XPR1: variants seen among roughly 807,000 people sequenced by gnomAD.
The protein encoded by XPR1 is solute carrier family 53 member 1.
XPR1 carries 28 observed loss-of-function variants against 87.5 expected under a neutral mutation model. That is an observed-to-expected ratio of 0.32 (90% confidence interval 0.24 to 0.44). The LOEUF is 0.44. Among genes scored for constraint, XPR1 ranks in the 20% least tolerant of loss-of-function variants. The pLI is 1.00. For synonymous variants in XPR1, 300 were observed against 306.1 expected (o/e 0.98, Z 0.21); for missense variants, 559 against 862.3 (o/e 0.65, Z 4.41).
At chr1:180,744,307 C>G (rs1659010324) in intron 2 of XPR1, among the ~76,000 whole-genome samples, 1 of 152,012 alleles carries the variant, frequency 6.6e-6, no homozygotes, top group African/African-American at 2.4e-5. Flanking sequence ...TCAGTTCTAA[C>G]TTTTTTATTT....
chr1:180,733,705 A>G (rs1256757585), intron 2 of XPR1, among the ~76,000 whole-genome samples: 1 of 152,198 alleles, frequency 6.6e-6, no homozygotes, highest in African/African-American at 2.4e-5. Flanking sequence ...AGAACTATTA[A>G]AGGAACTCGG....
At chr1:180,658,276 T>C (rs1050922486) in intron 1 of XPR1, among the ~76,000 whole-genome samples, 3 of 152,206 alleles carry the variant, frequency 2.0e-5, no homozygotes, top group Non-Finnish European at 4.4e-5. Flanking sequence ...GGATGCCCTT[T>C]ATTTCTTTCT....
intron 2 of XPR1, among the ~76,000 whole-genome samples, chr1:180,741,115 ACTT>A (rs1658907115): frequency 1.3e-5 from 1 of 76,174 alleles, no homozygotes; most frequent in Admixed American, 1.2e-4. Flanking sequence ...AGTTGGTATC[ACTT>A]TGTTAAATGT....
At chr1:180,685,274 ATGT>A (rs1656724906) in intron 2 of XPR1, among the ~76,000 whole-genome samples, 1 of 152,120 alleles carries the variant, frequency 6.6e-6, no homozygotes, top group Non-Finnish European at 1.5e-5. Context: ...TTCTGTTTAT[ATGT>A]TGGATTACAT....
At chr1:180,685,568 C>T (rs1438223715) in intron 2 of XPR1, among the ~76,000 whole-genome samples, 1 of 152,114 alleles carries the variant, frequency 6.6e-6, no homozygotes, top group East Asian at 1.9e-4. Flanking sequence ...ATGGTACCAG[C>T]TCCTCTTTGT....
At chr1:180,640,607 A>G (rs1041795225) in intron 1 of XPR1, among the ~76,000 whole-genome samples, 1 of 151,654 alleles carries the variant, frequency 6.6e-6, no homozygotes, top group South Asian at 2.1e-4. Flanking sequence ...TGGCGGGTCT[A>G]TTTTTAGTCC....
chr1:180,726,732 G>A (rs1658364899), intron 2 of XPR1, among the ~76,000 whole-genome samples: 1 of 152,054 alleles, frequency 6.6e-6, no homozygotes, highest in South Asian at 2.1e-4. Context: ...TTGTACAAAT[G>A]TAAAATAATG....
intron 2 of XPR1, among the ~76,000 whole-genome samples, chr1:180,734,942 C>T (rs576090638): frequency 2.0e-4 from 31 of 152,254 alleles, no homozygotes; most frequent in African/African-American, 7.2e-4. Flanking sequence ...TGACCTCATT[C>T]GGAAATACGA....
chr1:180,783,059 T>C (rs1649002267), intron 2 of XPR1, among the ~76,000 whole-genome samples: 1 of 152,070 alleles, frequency 6.6e-6, no homozygotes, highest in South Asian at 2.1e-4. Flanking sequence ...TAAATGAGCA[T>C]TCTATAAGCT....
At chr1:180,691,298 C>T (rs1656985848) in intron 2 of XPR1, among the ~76,000 whole-genome samples, 1 of 151,890 alleles carries the variant, frequency 6.6e-6, no homozygotes, top group South Asian at 2.1e-4. Context: ...ATTTGAAAGA[C>T]CATATGTGAG....
intron 1 of XPR1, among the ~76,000 whole-genome samples, chr1:180,634,306 A>G (rs1654693165): frequency 6.6e-6 from 1 of 152,218 alleles, no homozygotes; most frequent in South Asian, 2.1e-4. Context: ...TTCCTACTAT[A>G]TGGCTCCTGT....
chr1:180,796,929 A>G (rs374762557), intron 3 of XPR1, among the ~76,000 whole-genome samples: 59 of 152,312 alleles, frequency 3.9e-4, no homozygotes, highest in African/African-American at 7.7e-4. Flanking sequence ...TATATATTGT[A>G]TGATTCTTTT....
intron 2 of XPR1, among the ~76,000 whole-genome samples, chr1:180,712,847 A>C (rs1657847219): frequency 6.6e-6 from 1 of 151,608 alleles, no homozygotes; most frequent in Admixed American, 6.6e-5. Flanking sequence ...AAAATAAATC[A>C]GTTGTTCATG....
At chr1:180,758,082 T>C (rs1647825933) in intron 2 of XPR1, among the ~76,000 whole-genome samples, 1 of 150,522 alleles carries the variant, frequency 6.6e-6, no homozygotes, top group Non-Finnish European at 1.5e-5. Context: ...TAGAAGGATA[T>C]ATGTATACAT....
At chr1:180,774,130 A>G (rs911074780) in intron 2 of XPR1, among the ~76,000 whole-genome samples, 2 of 152,080 alleles carry the variant, frequency 1.3e-5, no homozygotes, top group Non-Finnish European at 2.9e-5. Flanking sequence ...TTTCTGGTCT[A>G]ATTTGAAGAA....
intron 7 of XPR1, among the ~76,000 whole-genome samples, chr1:180,819,718 G>A (rs932636879): frequency 2.0e-5 from 3 of 152,116 alleles, no homozygotes; most frequent in African/African-American, 7.2e-5. Flanking sequence ...TACTAAAACA[G>A]TTCAAAATAT....
chr1:180,832,987 C>T (rs1009814020), intron 9 of XPR1, among the ~76,000 whole-genome samples: 5 of 152,230 alleles, frequency 3.3e-5, no homozygotes, highest in African/African-American at 1.2e-4. Flanking sequence ...TTCTTCCTAT[C>T]CATGAGCATG....
chr1:180,736,802 G>C (rs1658743443), intron 2 of XPR1, among the ~76,000 whole-genome samples: 1 of 152,094 alleles, frequency 6.6e-6, no homozygotes, highest in African/African-American at 2.4e-5. Context: ...AAAAAGAGAT[G>C]AGACATTATG....
chr1:180,853,799 T>TTG (rs1651949326), intron 11 of XPR1, among the ~76,000 whole-genome samples: 2 of 146,412 alleles, frequency 1.4e-5, no homozygotes, highest in African/African-American at 5.4e-5. Flanking sequence ...TGGTTTTTTT[T>TTG]TTTTTTTTTT....
Sources: allele counts gnomAD v4.1 joint callset (sites outside exome capture counted in the v4.1 genomes callset), GRCh38; gene constraint gnomAD v4.1.1; transcripts MANE v1.5; gene names NCBI Gene and HGNC (gene_info 2026-07-23, HGNC 2026-07-21).